SLC16A2: variants seen among roughly 807,000 people sequenced by gnomAD.
The protein encoded by SLC16A2 is solute carrier family 16 member 2, also known as monocarboxylate transporter 8.
SLC16A2 carries 3 observed loss-of-function variants against 27.2 expected under a neutral mutation model. That is an observed-to-expected ratio of 0.11 (90% CI 0.05 to 0.28). The LOEUF (loss-of-function observed/expected upper bound fraction) is 0.28. Ranked by LOEUF, SLC16A2 falls within the 10% of genes least tolerant of loss-of-function variation. SLC16A2 has a pLI of 1.00. For missense variants in SLC16A2, 295 were observed against 458.5 expected (o/e 0.64, Z 3.26); for synonymous variants, 202 against 187.8 (o/e 1.08, Z -0.62).
In SLC16A2 at chrX:74,482,400, C is replaced by T. The variant is rs189794740; in HGVS notation, c.431-38590C>T. Among the ~76,000 whole-genome samples, 3 of 111,477 alleles carry T rather than the reference C, an allele frequency of 2.7e-5. No individual in the cohort carries two copies. In the East Asian group the frequency reaches 8.5e-4, roughly 31 times the overall value. On this transcript the variant is annotated intron_variant, in intron 1 of 5. Coordinates refer to ENST00000587091, the MANE Select transcript of SLC16A2 (RefSeq NM_006517.5). ...TATTTTCTTCTGTTTATTTCTCGCT[C>T]TCTTCTCTTTGGGAATCCCATTGCA...
chrX:74,507,064 C>G (rs370632232), intron 1 of SLC16A2, among the ~76,000 whole-genome samples: 48 of 108,447 alleles, frequency 4.4e-4, no homozygotes, highest in African/African-American at 1.1e-3. Context: ...CGCTCCCCCC[C>G]CAACCACAAG....
intron 1 of SLC16A2, among the ~76,000 whole-genome samples, chrX:74,451,766 G>T (rs1327348414): frequency 8.8e-6 from 1 of 113,002 alleles, no homozygotes; most frequent in Non-Finnish European, 1.9e-5. Flanking sequence ...CCCTTGGGGG[G>T]TCCCCCCACC....
Position 74,473,212 on chromosome X carries a change from T to C in SLC16A2, c.431-47778T>C, listed in dbSNP as rs938140999. 5 of 787,913 alleles carry C rather than the reference T, an allele frequency of 6.3e-6. No individual in the cohort carries two copies. In the African/African-American group the frequency reaches 1.0e-4, roughly 16 times the overall value. 64.9% of individuals were successfully genotyped at this position (787,913 alleles called of 1,213,427 possible). A position where few individuals can be genotyped will look rare whatever the true frequency, so the allele number is the denominator to read the frequency against. On this transcript the variant is annotated intron_variant, in intron 1 of 5. Transcript: ENST00000587091. ...ATTGTAGCTTCCACCACCTCCAAAA[T>C]TGCTTCCATCATTACCAAATCCATT...
intron 1 of SLC16A2, among the ~76,000 whole-genome samples, chrX:74,441,473 G>C (rs973262503): frequency 3.6e-5 from 4 of 112,143 alleles, no homozygotes; most frequent in Non-Finnish European, 7.5e-5. Context: ...TAAAAGCCCA[G>C]TATTTATTTA....
intron 1 of SLC16A2, among the ~76,000 whole-genome samples, chrX:74,470,774 T>C (rs1014241137): frequency 8.1e-5 from 9 of 110,665 alleles, no homozygotes; most frequent in Non-Finnish European, 1.3e-4. Context: ...CCGTCTCTAC[T>C]AAAAATACAA....
At chrX:74,425,898 C>T (rs1002361212) in intron 1 of SLC16A2, among the ~76,000 whole-genome samples, 15 of 112,001 alleles carry the variant, frequency 1.3e-4, no homozygotes, top group African/African-American at 4.9e-4. Context: ...GGGGTCAAGG[C>T]TGAGGCTCTC....
In SLC16A2 at chrX:74,421,876, C is replaced by T. The variant is rs797045964; in HGVS notation, c.239C>T (p.Thr80Met). The T allele has an allele frequency of 1.7e-6, 2 of 1,209,267 alleles. No individual in the cohort carries two copies. Among genetic ancestry groups the T allele is most frequent in the African/African-American group, 3.5e-5 (2 of 57,931 alleles). ...ESERVHEPEP[T>M]PTVETRGTAR... Reference sequence around the variant, plus strand: ...GAGCGGGTGCACGAACCCGAGCCCACGCCTACGGTAGAGACCCGCGGCACC... The same window carrying T: ...GAGCGGGTGCACGAACCCGAGCCCATGCCTACGGTAGAGACCCGCGGCACC... Residue 80 changes from threonine to methionine, a missense_variant, in exon 1 of 6, where the codon ACG (threonine) becomes ATG (methionine). By Grantham distance (81) the Thr-to-Met change is moderately conservative. Around this residue, in one of 3 missense-constraint regions of SLC16A2, gnomAD observed 92 missense variants for 85.1 expected, o/e 1.08. Transcript: ENST00000587091.
intron 1 of SLC16A2, among the ~76,000 whole-genome samples, chrX:74,465,296 G>A (rs890734982): frequency 3.6e-5 from 4 of 111,477 alleles, no homozygotes; most frequent in African/African-American, 1.3e-4. Context: ...AGATTTTGCC[G>A]CAGTATGGAA....
At chrX:74,453,079 G>C (rs1404860215) in intron 1 of SLC16A2, among the ~76,000 whole-genome samples, 1 of 102,597 alleles carries the variant, frequency 9.7e-6, no homozygotes, top group Non-Finnish European at 2.0e-5. Context: ...ACAGGGTCTC[G>C]CTCTGCCACC....
At chrX:74,520,781 T>G (rs1054118362) in intron 1 of SLC16A2, among the ~76,000 whole-genome samples, 2 of 111,877 alleles carry the variant, frequency 1.8e-5, no homozygotes, top group African/African-American at 6.5e-5. Flanking sequence ...AAATATTGAC[T>G]AGTCCAAATC....
chrX:74,475,509 C>T (rs370117431), intron 1 of SLC16A2, among the ~76,000 whole-genome samples: 1 of 109,721 alleles, frequency 9.1e-6, no homozygotes, highest in African/African-American at 3.3e-5. Context: ...TCAATTTTGG[C>T]TTTTGTTGCC....
At position 74,422,102 on chromosome X, in the gene SLC16A2, G is replaced by C. The variant is rs1419937608; in HGVS notation, c.430+35G>C. ...CCCGCACGCCCCACTTGGCATTTTG[G>C]GCAAGGTTGGCCGCTCCCGCTGCCA... On this transcript the variant is annotated intron_variant, in intron 1 of 5. Coordinates refer to ENST00000587091, the MANE Select transcript of SLC16A2 (RefSeq NM_006517.5). 8 of 1,180,362 alleles carry C rather than the reference G, an allele frequency of 6.8e-6. No homozygotes were observed. In the East Asian group the frequency reaches 2.4e-4, roughly 35 times the overall value.
chrX:74,493,301 G>T (rs757807313), intron 1 of SLC16A2, among the ~76,000 whole-genome samples: 72 of 112,239 alleles, frequency 6.4e-4, no homozygotes, highest in African/African-American at 2.1e-3. Flanking sequence ...GGAGCGTGTT[G>T]TAATCCAGTC....
At chrX:74,485,869 A>C (rs4892382) in intron 1 of SLC16A2, among the ~76,000 whole-genome samples, 33,830 of 109,987 alleles carry the variant, frequency 0.31, 5,054 homozygotes, top group East Asian at 0.86. Flanking sequence ...TGGAAGTCAG[A>C]AGTGGGTCTG....
At chrX:74,473,370 G>A in intron 1 of SLC16A2, 1 of 538,702 alleles carries the variant, frequency 1.9e-6, no homozygotes, top group Non-Finnish European at 3.3e-6. Context: ...TTCCACCTCT[G>A]GCTGGATGAG....
At chrX:74,509,845 G>T (rs1350866711) in intron 1 of SLC16A2, among the ~76,000 whole-genome samples, 1 of 112,557 alleles carries the variant, frequency 8.9e-6, no homozygotes, top group African/African-American at 3.2e-5. Context: ...GGGATTACAG[G>T]CGTGGGCCAC....
chrX:74,488,633 T>C (rs904986524), intron 1 of SLC16A2, among the ~76,000 whole-genome samples: 1 of 111,783 alleles, frequency 8.9e-6, no homozygotes, highest in Non-Finnish European at 1.9e-5. Context: ...TCCTTTTTAC[T>C]AACATTATTA....
At chrX:74,519,888 G>C (rs763054636) in intron 1 of SLC16A2, among the ~76,000 whole-genome samples, 1 of 111,061 alleles carries the variant, frequency 9.0e-6, no homozygotes, top group South Asian at 3.9e-4. Flanking sequence ...AAATGGCAAG[G>C]TAAGAGGTGA....
At chrX:74,473,777 A>G in intron 1 of SLC16A2, 2 of 652,893 alleles carry the variant, frequency 3.1e-6, no homozygotes, top group South Asian at 2.2e-5. Flanking sequence ...GACAAATCCA[A>G]AGCCCCTGGA....
Sources: gnomAD v4.1 joint callset for allele counts (sites outside exome capture counted in the v4.1 genomes callset) on GRCh38, gnomAD v4.1.1 for gene constraint, gnomAD v4.1.1 regional missense constraint, MANE v1.5 for transcripts, NCBI Gene and HGNC (gene_info 2026-07-23, HGNC 2026-07-21) for gene names.